The following NLGN2 variants were observed in gnomAD, a reference collection of about 807,000 sequenced individuals.
NLGN2 encodes neuroligin 2.
NLGN2 carries 11 observed loss-of-function variants against 48.6 expected under a neutral mutation model. The ratio of observed to expected loss-of-function variants is 0.23; its 90% CI spans 0.14 to 0.37. NLGN2 has a LOEUF of 0.37. Among genes scored for constraint, NLGN2 ranks in the 10% least tolerant of loss-of-function variants. NLGN2 has a pLI of 1.00. For missense variants in NLGN2, 801 were observed against 1,225.2 expected, an observed-to-expected ratio of 0.65 and a Z score of 5.17; for synonymous variants, 548 against 550.0, an observed-to-expected ratio of 1.00 and a Z score of 0.05.
chr17:7,417,487 G>T lies in NLGN2; in HGVS notation c.2196G>T (p.Ala732=), dbSNP rs776867305. ...GTGGGGGCCCCCTGCTCCCCGCCGCGGGCCGTGAGCTGCCACCAGAGGAGG... is the reference window on the plus strand; with the variant it reads ...GTGGGGGCCCCCTGCTCCCCGCCGCTGGCCGTGAGCTGCCACCAGAGGAGG... The part of the protein sequence containing the change: ...VPGGGPLLPA[A]GRELPPEEEL... Residue 732 remains alanine, a synonymous_variant, in exon 7 of 7, where the codon GCG becomes GCT. Transcript: ENST00000302926. 3.9e-6 allele frequency: 6 copies of T among 1,529,988 alleles called. No individual in the cohort carries two copies. The highest frequency in any genetic ancestry group is 2.5e-5 in the East Asian group (1 of 40,286). 94.8% of individuals were successfully genotyped at this position (1,529,988 alleles called of 1,614,324 possible). A position where few individuals can be genotyped will look rare whatever the true frequency, so the allele number is the denominator to read the frequency against.
Position 7,408,190 on chromosome 17 carries a change from C to G in NLGN2, c.-66C>G, listed in dbSNP as rs1322896325. ...GGGCGAGGGGGGCCTCCCTCCCTCT[C>G]CCCCCCTTCTCTCTCTCTCCGAGGG... On this transcript the variant is annotated 5_prime_UTR_variant, in exon 1 of 7. Coordinates refer to ENST00000302926, the MANE Select transcript of NLGN2 (RefSeq NM_020795.4). This position sits in a 1 kb window ranked among gnomAD's most constrained non-coding sequence, Gnocchi z 7.5. 1 of 889,198 alleles carries G rather than the reference C, an allele frequency of 1.1e-6. No individual in the cohort carries two copies. The highest frequency in any genetic ancestry group is 1.5e-6 in the Non-Finnish European group (1 of 652,938). 55.1% of individuals were successfully genotyped at this position (889,198 alleles called of 1,614,324 possible). A position where few individuals can be genotyped will look rare whatever the true frequency, so the allele number is the denominator to read the frequency against.
At chr17:7,410,754 C>T (rs1164559444) in intron 1 of NLGN2, among the ~76,000 whole-genome samples, 1 of 152,242 alleles carries the variant, frequency 6.6e-6, no homozygotes, top group African/African-American at 2.4e-5. Context: ...TGGGGCCTGA[C>T]ACATTCAGGT....
In NLGN2 at chr17:7,408,290, C is replaced by T. The variant is rs1183003538; in HGVS notation, c.35C>T (p.Ala12Val). The T allele has an allele frequency of 7.2e-6, 8 of 1,106,582 alleles. No homozygotes were observed. Among genetic ancestry groups the T allele is most frequent in the East Asian group, 3.4e-5 (1 of 29,778 alleles). The allele number at this position is 1,106,582 out of a possible 1,614,324, so 68.5% of individuals were successfully genotyped here. A position where few individuals can be genotyped will look rare whatever the true frequency, so the allele number is the denominator to read the frequency against. Residue 12 changes from alanine (A) to valine (V), a missense_variant, in exon 1 of 7, where the codon GCG becomes GTG. Ala to Val is a moderately conservative substitution (Grantham distance 64). Coordinates refer to ENST00000302926, the MANE Select transcript of NLGN2 (RefSeq NM_020795.4). The surrounding 1 kb of genome is among the most constrained non-coding windows in gnomAD (Gnocchi z 7.5). Reference sequence around the variant, plus strand: ...CTGGCGCTGTGTCTGGTGGGGCTGGCGGGGGCTCAACGCGGGGGAGGGGGT... The same window carrying T: ...CTGGCGCTGTGTCTGGTGGGGCTGGTGGGGGCTCAACGCGGGGGAGGGGGT... The part of the protein sequence containing the change: ...WLLALCLVGL[A>V]GAQRGGGGPG...
intron 2 of NLGN2, 96 bp downstream of exon 2, chr17:7,412,303 CT>C: frequency 1.2e-6 from 1 of 812,340 alleles, no homozygotes; most frequent in Non-Finnish European, 2.1e-6. Flanking sequence ...CTCAAGGCCC[CT>C]CAGTCGTTCT....
At chr17:7,414,214 TG>T in intron 2 of NLGN2, 129 bp from the exon 3 acceptor site, 1 of 782,184 alleles carries the variant, frequency 1.3e-6, no homozygotes, top group Non-Finnish European at 2.1e-6. Flanking sequence ...CCCCCAGGGA[TG>T]GGAGTGACAT....
chr17:7,416,788 C>A, intron 6 of NLGN2, 138 bp from the exon 7 acceptor site: 1 of 1,045,818 alleles, frequency 9.6e-7, no homozygotes, highest in Non-Finnish European at 1.4e-6. Flanking sequence ...TGTCTCTCTG[C>A]CTCTGTGACT....
chr17:7,415,532 C>T lies in NLGN2; in HGVS notation c.1059C>T (p.Pro353=), dbSNP rs1192384256. 10 of 1,614,220 alleles carry T rather than the reference C, an allele frequency of 6.2e-6. No homozygotes were observed. The highest frequency in any genetic ancestry group is 3.3e-4 in the Middle Eastern group (2 of 6,060). Reference sequence around the variant, plus strand: ...CCAGCTACCACATCGCCTTTGGGCCCGTGGTGGATGGCGACGTGGTCCCCG... The same window carrying T: ...CCAGCTACCACATCGCCTTTGGGCCTGTGGTGGATGGCGACGTGGTCCCCG... ...QPARYHIAFG[P]VVDGDVVPDD... The change falls in exon 6 of 7, where the codon CCC becomes CCT. Residue 353 remains proline, a synonymous_variant. Transcript: ENST00000302926.
rs1906721137 is a variant in NLGN2, at chr17:7,408,153, TCCTCCCTCCTGGGGCGAGGGGGG to T, written c.-93_-71del. The T allele has an allele frequency of 8.5e-6, 4 of 470,320 alleles. No individual in the cohort carries two copies. Among genetic ancestry groups the T allele is most frequent in the South Asian group, 4.5e-5 (1 of 22,432 alleles). 29.1% of individuals were successfully genotyped at this position (470,320 alleles called of 1,614,324 possible). A position where few individuals can be genotyped will look rare whatever the true frequency, so the allele number is the denominator to read the frequency against. ...CTCCTCCCTCCTTTCCCCCCGCCCC[TCCTCCCTCCTGGGGCGAGGGGGG>T]CCTCCCTCCCTCTCCCCCCCTTCTC... On this transcript the variant is annotated 5_prime_UTR_variant, in exon 1 of 7. Transcript: ENST00000302926. This position sits in a 1 kb window ranked among gnomAD's most constrained non-coding sequence, Gnocchi z 7.5.
Position 7,417,210 on chromosome 17 carries a change from C to A in NLGN2, c.1919C>A (p.Thr640Lys). 1 of 1,541,572 alleles carries A rather than the reference C, an allele frequency of 6.5e-7. No individual in the cohort carries two copies. Residue 640 changes from threonine to lysine, a missense_variant, in exon 7 of 7, where the codon ACA becomes AAA. Thr to Lys is a moderately conservative substitution (Grantham distance 78, BLOSUM62 -1). This residue lies in a region of NLGN2 where 276 missense variants were observed against 313.9 expected (regional missense o/e 0.88). Transcript: ENST00000302926. ...CGTCCCCCCGCTGGCGCCCCGGGCA[C>A]ACGCCGGCCCCCGCCGCCTGCCACC... ...PPRPPAGAPG[T>K]RRPPPPATLP...
At chr17:7,406,252 G>T (rs1041733119), upstream of NLGN2, among the ~76,000 whole-genome samples, 2 of 152,008 alleles carry the variant, frequency 1.3e-5, no homozygotes, top group Admixed American at 6.6e-5. Context: ...GGAGCACTAC[G>T]GAGAGGAGAG....
In NLGN2 at chr17:7,411,499, C is replaced by G. The variant is rs1567660358; in HGVS notation, c.458-658C>G. On this transcript the variant is annotated intron_variant, in intron 1 of 6. Coordinates refer to ENST00000302926, the MANE Select transcript of NLGN2 (RefSeq NM_020795.4). This position sits in a 1 kb window ranked among gnomAD's most constrained non-coding sequence, Gnocchi z 4.5. ...GTGAGGCTGGGTAGCGGGCGGGCAG[C>G]CCCAGCTGACCTTCCCATAGCCCTC... Among the ~76,000 whole-genome samples the G allele has an allele frequency of 6.6e-6, 1 of 152,176 alleles. No individual in the cohort carries two copies.
chr17:7,416,373 G>T (rs1907102473), intron 6 of NLGN2, among the ~76,000 whole-genome samples: 2 of 135,238 alleles, frequency 1.5e-5, no homozygotes, highest in African/African-American at 5.0e-5. Context: ...GATCCCCCCT[G>T]CCCGACCCCC....
rs1906722312 is a variant in NLGN2 at position 7,408,172 on chromosome 17, G to A, written c.-84G>A. On this transcript the variant is annotated 5_prime_UTR_variant, in exon 1 of 7. Coordinates refer to ENST00000302926, the MANE Select transcript of NLGN2 (RefSeq NM_020795.4). This position sits in a 1 kb window ranked among gnomAD's most constrained non-coding sequence, Gnocchi z 7.5. ...CGCCCCTCCTCCCTCCTGGGGCGAG[G>A]GGGGCCTCCCTCCCTCTCCCCCCCT... 1.4e-6 allele frequency: 1 copy of A among 711,012 alleles called. No homozygotes were observed. Among genetic ancestry groups the A allele is most frequent in the East Asian group, 3.5e-5 (1 of 28,190 alleles). The allele number at this position is 711,012 out of a possible 1,614,324, so 44.0% of individuals were successfully genotyped here.
At position 7,414,979 on chromosome 17, in the gene NLGN2, CAG is replaced by C. The variant is rs1907041124; in HGVS notation, c.871_872del (p.Ser291TrpfsTer27). 6.2e-7 allele frequency: 1 copy of C among 1,612,356 alleles called. No individual in the cohort carries two copies. On this transcript the variant is annotated frameshift_variant, in exon 5 of 7. Coordinates refer to ENST00000302926, the MANE Select transcript of NLGN2 (RefSeq NM_020795.4). LOFTEE classifies it high-confidence loss of function. ...AGGGCTGTTCCAGAAGGCCATCGCC[CAG>C]AGTGGCACCGCCATTTCCAGCTGGT... ...SEGLFQKAIA[Q>X]SGTAISSWSV...
At chr17:7,407,565 T>C, upstream of NLGN2, among the ~76,000 whole-genome samples, 1 of 152,218 alleles carries the variant, frequency 6.6e-6, no homozygotes, top group Non-Finnish European at 1.5e-5. Flanking sequence ...AGCTAATTAA[T>C]GACTTGGTAT....
At position 7,416,124 on chromosome 17, in the gene NLGN2, C is replaced by A; in HGVS notation, c.1634+17C>A. 1.9e-6 allele frequency: 1 copy of A among 534,966 alleles called. No homozygotes were observed. The highest frequency in any genetic ancestry group is 3.8e-6 in the Non-Finnish European group (1 of 266,196). 33.1% of individuals were successfully genotyped at this position (534,966 alleles called of 1,614,324 possible). ...CAAGACTGGGTGAGGGCCAGAGGGG[C>A]TGGGCGGGGCTGGGCGGGGCCCTCC... On this transcript the variant is annotated intron_variant, in intron 6 of 6. Coordinates refer to ENST00000302926, the MANE Select transcript of NLGN2 (RefSeq NM_020795.4).
chr17:7,408,589 G>T lies in NLGN2; in HGVS notation c.334G>T (p.Gly112Trp), dbSNP rs1264101304. Residue 112 changes from glycine to tryptophan, a missense_variant, in exon 1 of 7, where the codon GGG (glycine) becomes TGG (tryptophan). By Grantham distance (184) the Gly-to-Trp change is radical (BLOSUM62 -2). Around this residue, in one of 5 missense-constraint regions of NLGN2, gnomAD observed 164 missense variants for 186.2 expected, o/e 0.88. Coordinates refer to ENST00000302926, the MANE Select transcript of NLGN2 (RefSeq NM_020795.4). The surrounding 1 kb of genome is among the most constrained non-coding windows in gnomAD (Gnocchi z 7.5). ...GCCCGCCTGCCCGCAGAACCTGCACGGGGCGCTGCCCGCCATCATGCTGCC... is the reference window on the plus strand; with the variant it reads ...GCCCGCCTGCCCGCAGAACCTGCACTGGGCGCTGCCCGCCATCATGCTGCC... The part of the protein sequence containing the change: ...LPPACPQNLH[G>W]ALPAIMLPVW... The T allele has an allele frequency of 1.9e-6, 3 of 1,574,964 alleles. No homozygotes were observed. Among genetic ancestry groups the T allele is most frequent in the African/African-American group, 1.4e-5 (1 of 73,784 alleles).
intron 1 of NLGN2, among the ~76,000 whole-genome samples, chr17:7,410,054 A>G (rs1906815704): frequency 6.6e-6 from 1 of 151,714 alleles, no homozygotes; most frequent in Admixed American, 6.6e-5. Flanking sequence ...CTCCTCAATC[A>G]TTGTTTACCC....
Position 7,415,026 on chromosome 17 carries a change from C to T in NLGN2, c.915C>T (p.Leu305=). 1.9e-6 allele frequency: 3 copies of T among 1,613,318 alleles called. No homozygotes were observed. Among genetic ancestry groups the T allele is most frequent in the African/African-American group, 2.7e-5 (2 of 75,082 alleles). ...ISSWSVNYQP[L]KYTRLLAAKV... is the part of the protein sequence containing the mutation. ...GCTGGTCTGTCAACTACCAGCCGCTCAAGTACACGCGGCTGCTGGCAGCCA... is the reference window on the plus strand; with the variant it reads ...GCTGGTCTGTCAACTACCAGCCGCTTAAGTACACGCGGCTGCTGGCAGCCA... Residue 305 remains leucine (L), a synonymous_variant, in exon 5 of 7, where the codon CTC becomes CTT. Coordinates refer to ENST00000302926, the MANE Select transcript of NLGN2 (RefSeq NM_020795.4).
Sources: allele counts gnomAD v4.1 joint callset (sites outside exome capture counted in the v4.1 genomes callset), GRCh38; gene constraint gnomAD v4.1.1; regional missense constraint gnomAD v4.1.1; non-coding constraint Gnocchi (gnomAD v3.1); transcripts MANE v1.5; gene names NCBI Gene and HGNC (gene_info 2026-07-23, HGNC 2026-07-21).